Variants in PTPRQ observed in about 807,000 individuals in gnomAD.
The protein encoded by PTPRQ is protein tyrosine phosphatase receptor type Q.
In PTPRQ, 199 loss-of-function variants were observed where a neutral mutation model predicts 246.0. That is an observed-to-expected ratio of 0.81 (90% confidence interval 0.72 to 0.91). The LOEUF is 0.91. PTPRQ is among the 40% of genes least tolerant of loss of function. PTPRQ has a pLI of 0.00. For synonymous variants in PTPRQ, 869 were observed against 853.2 expected (o/e 1.02, Z -0.32); for missense variants, 2,624 against 2,528.4 (o/e 1.04, Z -0.81).
intron 25 of PTPRQ, among the ~76,000 whole-genome samples, chr12:80,587,516 C>G (rs2121015755): frequency 1.3e-5 from 2 of 152,178 alleles, no homozygotes; most frequent in Middle Eastern, 6.8e-3. Context: ...CAGAGCCTGA[C>G]ACATGGTATG....
intron 17 of PTPRQ, among the ~76,000 whole-genome samples, chr12:80,514,675 A>G (rs1895236353): frequency 6.9e-6 from 1 of 144,156 alleles, no homozygotes; most frequent in Non-Finnish European, 1.5e-5. Context: ...TTTGTATAAT[A>G]TATATTTTTA....
chr12:80,667,453 C>A (rs1358861392), intron 39 of PTPRQ, among the ~76,000 whole-genome samples: 1 of 151,920 alleles, frequency 6.6e-6, no homozygotes, highest in Non-Finnish European at 1.5e-5. Context: ...AGCCTATTTT[C>A]TGAAAACTTT....
chr12:80,652,225 A>C (rs933457514), intron 37 of PTPRQ, among the ~76,000 whole-genome samples: 2 of 152,124 alleles, frequency 1.3e-5, no homozygotes, highest in Non-Finnish European at 2.9e-5. Context: ...TATATCTGAT[A>C]ATTCTTAATT....
intron 1 of PTPRQ, 111 bp from the exon 2 acceptor site, chr12:80,444,630 G>A: frequency 1.3e-6 from 1 of 794,088 alleles, no homozygotes; most frequent in Non-Finnish European, 2.1e-6. Context: ...GTTATAAACA[G>A]TGCAGAGTTA....
chr12:80,650,852 T>C (rs1035976297), intron 37 of PTPRQ, among the ~76,000 whole-genome samples: 4 of 151,992 alleles, frequency 2.6e-5, no homozygotes, highest in Non-Finnish European at 5.9e-5. Context: ...AGAAAGTTTC[T>C]AGTTTAAGTT....
rs371484292 is a variant in PTPRQ at position 80,473,022 on chromosome 12, T to TACACACAC, written c.1186+778_1186+785dup. Among the ~76,000 whole-genome samples, 520 of 129,206 alleles carry TACACACAC rather than the reference T, an allele frequency of 4.0e-3. 8 individuals are homozygous for TACACACAC. The highest frequency in any genetic ancestry group is 0.014 in the African/African-American group (497 of 35,702). 84.8% of individuals were successfully genotyped at this position (129,206 alleles called of 152,430 possible). A position where few individuals can be genotyped will look rare whatever the true frequency, so the allele number is the denominator to read the frequency against. ...CTTATAAATGAAATGTAGACATGTATACACACACACACACTCACACACACG... is the reference window on the plus strand; with the variant it reads ...CTTATAAATGAAATGTAGACATGTATACACACACACACACACACACACTCACACACACG... On this transcript the variant is annotated intron_variant, in intron 8 of 44. Coordinates refer to ENST00000644991, the MANE Select transcript of PTPRQ (RefSeq NM_001145026.2).
At chr12:80,589,100 G>A (rs772110105) in intron 26 of PTPRQ, among the ~76,000 whole-genome samples, 3 of 152,212 alleles carry the variant, frequency 2.0e-5, no homozygotes, top group Non-Finnish European at 4.4e-5. Flanking sequence ...TATAGGTAAA[G>A]ATTGCTCTTG....
Position 80,649,609 on chromosome 12 carries a change from C to A in PTPRQ, c.5964C>A (p.Phe1988Leu), listed in dbSNP as rs1375912128. The A allele has an allele frequency of 6.5e-7, 1 of 1,549,506 alleles. No homozygotes were observed. The highest frequency in any genetic ancestry group is 1.4e-5 in the African/African-American group (1 of 72,948). ...GGAGGCCAATAAGCAAGAAATCCTT[C>A]CTGCAACATGTTGAAGAGCTTTGCA... ...KSIKPISKKSFLQHVEELCTN... is the reference protein window; with the variant it reads ...KSIKPISKKSLLQHVEELCTN... Residue 1988 changes from phenylalanine to leucine, a missense_variant, in exon 37 of 45, where the codon TTC becomes TTA. Coordinates refer to ENST00000644991, the MANE Select transcript of PTPRQ (RefSeq NM_001145026.2).
intron 25 of PTPRQ, among the ~76,000 whole-genome samples, chr12:80,582,963 A>C (rs1168167245): frequency 6.6e-6 from 1 of 152,224 alleles, no homozygotes; most frequent in Non-Finnish European, 1.5e-5. Flanking sequence ...ACTCAGTTTA[A>C]TGTGATTCCA....
chr12:80,588,081 A>C (rs1423695754), intron 25 of PTPRQ, 48 bp from the exon 26 acceptor site: 2 of 1,462,708 alleles, frequency 1.4e-6, no homozygotes, highest in Non-Finnish European at 1.8e-6. Context: ...CTCTTTATGA[A>C]GTGTTTGGTA....
chr12:80,499,602 A>G (rs1226435030), intron 14 of PTPRQ, among the ~76,000 whole-genome samples: 3 of 152,004 alleles, frequency 2.0e-5, no homozygotes, highest in Non-Finnish European at 2.9e-5. Context: ...TTCATGAGAA[A>G]TTGAGTGATG....
At chr12:80,456,707 C>T (rs1159177503) in intron 3 of PTPRQ, among the ~76,000 whole-genome samples, 2 of 152,120 alleles carry the variant, frequency 1.3e-5, no homozygotes, top group Admixed American at 1.3e-4. Context: ...TTACTCTGTT[C>T]AAATAAATGT....
At chr12:80,513,246 C>T (rs1014856417) in intron 17 of PTPRQ, among the ~76,000 whole-genome samples, 2 of 152,000 alleles carry the variant, frequency 1.3e-5, no homozygotes, top group Non-Finnish European at 2.9e-5. Flanking sequence ...TAACTCTCAG[C>T]AGAGGGGGGA....
rs181037660 is a variant in PTPRQ at position 80,457,634 on chromosome 12, T to A, written c.450T>A (p.Thr150=). The A allele has an allele frequency of 5.5e-5, 22 of 400,246 alleles. No individual in the cohort carries two copies. Among genetic ancestry groups the A allele is most frequent in the African/African-American group, 4.3e-4 (21 of 48,806 alleles). The allele number at this position is 400,246 out of a possible 1,614,324, so 24.8% of individuals were successfully genotyped here. A position where few individuals can be genotyped will look rare whatever the true frequency, so the allele number is the denominator to read the frequency against. Residue 150 remains threonine, a synonymous_variant, in exon 4 of 45, where the codon ACT becomes ACA. Transcript: ENST00000644991. ...TTAGTGATCCATTTCTCTTCCAAAC[T>A]GCAGAAAGTGGTAATTTTCCTGTCA... ...GVFSDPFLFQ[T]AESAPGKVVN...
At chr12:80,467,409 G>C (rs1317112262) in intron 6 of PTPRQ, among the ~76,000 whole-genome samples, 8 of 152,046 alleles carry the variant, frequency 5.3e-5, no homozygotes, top group African/African-American at 1.7e-4. Context: ...ACTGTTGGTG[G>C]GACTGTAAAC....
At chr12:80,500,980 G>T (rs1268236834) in intron 14 of PTPRQ, among the ~76,000 whole-genome samples, 2 of 151,970 alleles carry the variant, frequency 1.3e-5, no homozygotes, top group Admixed American at 1.3e-4. Context: ...TCACTGAGAG[G>T]TTATATTTGC....
At chr12:80,638,929 C>T (rs1438158652) in intron 35 of PTPRQ, among the ~76,000 whole-genome samples, 2 of 152,168 alleles carry the variant, frequency 1.3e-5, no homozygotes, top group Non-Finnish European at 2.9e-5. Context: ...ATCTGTTTCA[C>T]ACTTACCGAA....
In PTPRQ at chr12:80,471,639, G is replaced by C. The variant is rs368029778; in HGVS notation, c.1040-466G>C. Among the ~76,000 whole-genome samples the C allele has an allele frequency of 4.5e-4, 63 of 139,190 alleles. 1 individual carries two copies. The highest frequency in any genetic ancestry group is 1.6e-3 in the African/African-American group (58 of 37,066). The allele number at this position is 139,190 out of a possible 152,430, so 91.3% of individuals were successfully genotyped here. ...ACTACAGGCGCGCGCCACTACGCCC[G>C]GCTAATTTTTTGTATTTTTAGTAGA... On this transcript the variant is annotated intron_variant, in intron 7 of 44. Coordinates refer to ENST00000644991, the MANE Select transcript of PTPRQ (RefSeq NM_001145026.2).
chr12:80,673,388 T>A (rs901996832), intron 43 of PTPRQ, 84 bp downstream of exon 43: 15 of 1,494,178 alleles, frequency 1.0e-5, no homozygotes, highest in Admixed American at 2.4e-5. Flanking sequence ...TGGATGGACA[T>A]GAGCTTGAAG....
Sources: gnomAD v4.1 joint callset for allele counts (sites outside exome capture counted in the v4.1 genomes callset) on GRCh38, gnomAD v4.1.1 for gene constraint, MANE v1.5 for transcripts, NCBI Gene and HGNC (gene_info 2026-07-23, HGNC 2026-07-21) for gene names.